Variants in DNER observed in about 807,000 individuals in gnomAD.
DNER encodes delta/notch like EGF repeat containing.
In DNER, 33 loss-of-function variants were observed where a neutral mutation model predicts 78.2. The ratio of observed to expected loss-of-function variants is 0.42; its 90% CI spans 0.32 to 0.56. The LOEUF (loss-of-function observed/expected upper bound fraction) is 0.56, where lower values mean the gene tolerates loss of function less well. Among genes scored for constraint, DNER ranks in the 20% least tolerant of loss-of-function variants. The pLI is 0.11. For missense variants in DNER, 918 were observed against 975.3 expected, an observed-to-expected ratio of 0.94 and a Z score of 0.78; for synonymous variants, 417 against 384.8, an observed-to-expected ratio of 1.08 and a Z score of -0.98.
intron 1 of DNER, among the ~76,000 whole-genome samples, chr2:229,639,727 C>T (rs902528584): frequency 6.6e-6 from 1 of 152,098 alleles, no homozygotes; most frequent in Non-Finnish European, 1.5e-5. Context: ...GGGCTTCAGA[C>T]CCAATCCTCA....
At chr2:229,542,271 TC>T (rs988300704) in intron 5 of DNER, among the ~76,000 whole-genome samples, 6 of 151,892 alleles carry the variant, frequency 4.0e-5, no homozygotes, top group Non-Finnish European at 5.9e-5. Context: ...AAGATCAGAA[TC>T]AACCCTTGGT....
At chr2:229,615,208 T>G (rs1355451607) in intron 1 of DNER, among the ~76,000 whole-genome samples, 1 of 148,076 alleles carries the variant, frequency 6.8e-6, no homozygotes, top group Non-Finnish European at 1.5e-5. Flanking sequence ...GGTCAGGAGT[T>G]TGAGACCAGC....
At chr2:229,511,846 C>A (rs892768813) in intron 6 of DNER, among the ~76,000 whole-genome samples, 2 of 152,178 alleles carry the variant, frequency 1.3e-5, no homozygotes, top group Non-Finnish European at 2.9e-5. Context: ...AGCCAAGAGA[C>A]ATATTGCGTA....
intron 9 of DNER, among the ~76,000 whole-genome samples, chr2:229,414,127 T>C (rs776348340): frequency 1.2e-4 from 19 of 152,156 alleles, no homozygotes; most frequent in Non-Finnish European, 2.5e-4. Context: ...TCTCCTTTAA[T>C]TCCTTCTACC....
intron 11 of DNER, among the ~76,000 whole-genome samples, chr2:229,372,636 C>T (rs1457458080): frequency 6.6e-6 from 1 of 152,126 alleles, no homozygotes; most frequent in African/African-American, 2.4e-5. Flanking sequence ...GTGTTGGAAA[C>T]AGTGGGAGGG....
intron 1 of DNER, among the ~76,000 whole-genome samples, chr2:229,697,812 C>G (rs996084369): frequency 3.9e-5 from 6 of 152,160 alleles, no homozygotes; most frequent in African/African-American, 1.4e-4. Context: ...CAGGTGAGCC[C>G]TAACAGGAAA....
At chr2:229,490,597 C>T (rs1003279609) in intron 6 of DNER, among the ~76,000 whole-genome samples, 5 of 152,016 alleles carry the variant, frequency 3.3e-5, no homozygotes, top group Non-Finnish European at 7.4e-5. Context: ...GGTAGGGCCA[C>T]AGAGTGATAG....
intron 10 of DNER, among the ~76,000 whole-genome samples, chr2:229,406,000 G>T (rs192771232): frequency 3.3e-5 from 5 of 152,166 alleles, no homozygotes; most frequent in Non-Finnish European, 7.4e-5. Context: ...TTTTTGGAGT[G>T]AGCCCACTTC....
intron 6 of DNER, among the ~76,000 whole-genome samples, chr2:229,509,254 G>A (rs1297866012): frequency 2.0e-5 from 3 of 152,050 alleles, no homozygotes; most frequent in South Asian, 2.1e-4. Context: ...CAAATATATC[G>A]AAAACCTCCA....
intron 6 of DNER, among the ~76,000 whole-genome samples, chr2:229,487,088 G>T (rs1164519096): frequency 6.6e-6 from 1 of 152,148 alleles, no homozygotes; most frequent in Non-Finnish European, 1.5e-5. Flanking sequence ...GAGGCCAATG[G>T]GTGAAAGTCA....
At chr2:229,388,175 G>T in intron 11 of DNER, 90 bp downstream of exon 11, 1 of 1,489,846 alleles carries the variant, frequency 6.7e-7, no homozygotes, top group Non-Finnish European at 9.0e-7. Flanking sequence ...GGGCTTTCTG[G>T]TCACAGTCGG....
rs201290668 is a variant in DNER, at chr2:229,555,843, T to C, written c.848-8751A>G. ...TTACCTTTGGTAGAGAAATGGAGCC[T>C]GCTAGAATGTTGGGATGCTACCAGT... is the stretch of plus-strand genomic sequence containing the variant. On this transcript the variant is annotated intron_variant, in intron 4 of 12. Coordinates refer to ENST00000341772, the MANE Select transcript of DNER (RefSeq NM_139072.4). Among the ~76,000 whole-genome samples, 30 of 152,240 alleles carry C rather than the reference T, an allele frequency of 2.0e-4. No homozygotes were observed. In the East Asian group the frequency reaches 4.2e-3, roughly 22 times the overall value.
chr2:229,416,819 C>T (rs1178446228), intron 9 of DNER, among the ~76,000 whole-genome samples: 2 of 152,104 alleles, frequency 1.3e-5, no homozygotes, highest in East Asian at 3.9e-4. Flanking sequence ...TTGAGCCATC[C>T]CTAGCAGAGA....
intron 1 of DNER, among the ~76,000 whole-genome samples, chr2:229,695,626 A>C (rs1699651478): frequency 6.6e-6 from 1 of 152,120 alleles, no homozygotes; most frequent in East Asian, 1.9e-4. Context: ...CACTCTAAAC[A>C]TCTATAAAAT....
At chr2:229,693,441 A>T (rs1699614387) in intron 1 of DNER, among the ~76,000 whole-genome samples, 1 of 152,042 alleles carries the variant, frequency 6.6e-6, no homozygotes, top group African/African-American at 2.4e-5. Flanking sequence ...GATACCCAAA[A>T]ATGTGAAAGC....
At chr2:229,563,760 C>G (rs1486683210) in intron 4 of DNER, among the ~76,000 whole-genome samples, 1 of 130,908 alleles carries the variant, frequency 7.6e-6, no homozygotes, top group African/African-American at 2.9e-5. Context: ...CATCATCCTC[C>G]TCACCCCATC....
At chr2:229,427,765 G>A (rs1244028856) in intron 8 of DNER, among the ~76,000 whole-genome samples, 2 of 152,172 alleles carry the variant, frequency 1.3e-5, no homozygotes, top group East Asian at 3.9e-4. Context: ...CCACTGTAGA[G>A]CAAAGGGCAG....
chr2:229,576,918 C>T (rs1043192272), intron 4 of DNER, among the ~76,000 whole-genome samples: 5 of 152,088 alleles, frequency 3.3e-5, no homozygotes, highest in Admixed American at 6.5e-5. Context: ...CCAATCTGAG[C>T]TGGCCTTGGT....
rs1311384699 is a variant in DNER, at chr2:229,358,579, G to T, written c.2175C>A (p.Asp725Glu). 1.2e-6 allele frequency: 2 copies of T among 1,613,618 alleles called. No individual in the cohort carries two copies. Among genetic ancestry groups the T allele is most frequent in the Non-Finnish European group, 1.7e-6 (2 of 1,179,834 alleles). ...PIAYEDYSPDDKPLVTLIKTK... is the reference protein window; with the variant it reads ...PIAYEDYSPDEKPLVTLIKTK... ...TTTTAATCAGTGTGACCAAGGGTTT[G>T]TCATCAGGACTGTAATCTTCATAGG... Residue 725 changes from aspartate to glutamate, a missense_variant, in exon 13 of 13, where the codon GAC (aspartate) becomes GAA (glutamate). By Grantham distance (45) the Asp-to-Glu change is conservative. Coordinates refer to ENST00000341772, the MANE Select transcript of DNER (RefSeq NM_139072.4).
Sources: allele counts gnomAD v4.1 joint callset (sites outside exome capture counted in the v4.1 genomes callset), GRCh38; gene constraint gnomAD v4.1.1; transcripts MANE v1.5; gene names NCBI Gene and HGNC (gene_info 2026-07-23, HGNC 2026-07-21).